SCAPER: variants seen among roughly 807,000 people sequenced by gnomAD.
The protein encoded by SCAPER is S phase cyclin A-associated protein in the endoplasmic reticulum.
SCAPER carries 98 observed loss-of-function variants against 182.2 expected under a neutral mutation model. The ratio of observed to expected loss-of-function variants is 0.54; its 90% confidence interval spans 0.46 to 0.64. SCAPER has a LOEUF of 0.64. SCAPER is among the 30% of genes least tolerant of loss of function. SCAPER has a pLI of 0.00. For synonymous variants in SCAPER, 605 were observed against 564.6 expected (o/e 1.07, Z -1.01); for missense variants, 1,432 against 1,690.0 (o/e 0.85, Z 2.68).
At chr15:76,366,549 T>A (rs1302274396) in intron 29 of SCAPER, among the ~76,000 whole-genome samples, 1 of 152,236 alleles carries the variant, frequency 6.6e-6, no homozygotes, top group Non-Finnish European at 1.5e-5. Flanking sequence ...ATCTCTCTGC[T>A]CTAAGTATAG....
intron 14 of SCAPER, among the ~76,000 whole-genome samples, chr15:76,756,522 G>A (rs188103981): frequency 6.6e-6 from 1 of 152,236 alleles, no homozygotes; most frequent in East Asian, 1.9e-4. Flanking sequence ...AGGCTGCAGT[G>A]AGCTATGCTG....
chr15:76,672,965 T>C (rs1395638094), intron 20 of SCAPER, among the ~76,000 whole-genome samples: 1 of 152,034 alleles, frequency 6.6e-6, no homozygotes, highest in East Asian at 1.9e-4. Flanking sequence ...TATTTCAGCA[T>C]TTAGGGGGAA....
intron 23 of SCAPER, among the ~76,000 whole-genome samples, chr15:76,529,691 T>C (rs1186842540): frequency 6.6e-6 from 1 of 152,204 alleles, no homozygotes; most frequent in Non-Finnish European, 1.5e-5. Context: ...GAAGAGTAAG[T>C]GCCAAGAGCC....
chr15:76,896,138 G>A lies in SCAPER; in HGVS notation c.-60+9161C>T, dbSNP rs565855661. ...TAATCCCAGCACTTTGGGAGGCCAAGGCAGGCCGATCACTTCAGCCCAGGA... is the reference window on the plus strand; with the variant it reads ...TAATCCCAGCACTTTGGGAGGCCAAAGCAGGCCGATCACTTCAGCCCAGGA... On this transcript the variant is annotated intron_variant, in intron 1 of 31. Transcript: ENST00000563290. Among the ~76,000 whole-genome samples, 303 of 152,172 alleles carry A rather than the reference G, an allele frequency of 2.0e-3. 1 individual carries two copies. The highest frequency in any genetic ancestry group is 4.4e-3 in the South Asian group (21 of 4,824).
rs146981071 is a variant in SCAPER, at chr15:76,488,559, C to G, written c.2954+16300G>C. ...TCTTTAGTTTTAGAACTATAAATAA[C>G]TACATATTTTATGCTCACTACAAGT... is the stretch of plus-strand genomic sequence containing the variant. On this transcript the variant is annotated intron_variant, in intron 24 of 31. Transcript: ENST00000563290. Among the ~76,000 whole-genome samples, 1,309 of 151,932 alleles carry G rather than the reference C, an allele frequency of 8.6e-3. 19 individuals are homozygous for G. Among genetic ancestry groups the G allele is most frequent in the Non-Finnish European group, 0.012 (797 of 67,938 alleles).
intron 24 of SCAPER, among the ~76,000 whole-genome samples, chr15:76,498,017 A>AAT (rs2040752144): frequency 2.0e-5 from 3 of 148,066 alleles, no homozygotes; most frequent in South Asian, 4.2e-4. Context: ...AAAAAAAAAA[A>AAT]AAATAAGCAC....
chr15:76,831,828 T>C (rs2068515076), intron 5 of SCAPER, among the ~76,000 whole-genome samples: 1 of 152,070 alleles, frequency 6.6e-6, no homozygotes, highest in Non-Finnish European at 1.5e-5. Context: ...GCTGCAGGCC[T>C]AGTTCCAGCC....
chr15:76,578,462 G>C (rs1280240986), intron 22 of SCAPER, among the ~76,000 whole-genome samples: 1 of 152,232 alleles, frequency 6.6e-6, no homozygotes, highest in Non-Finnish European at 1.5e-5. Context: ...GGCTACAGGG[G>C]TGCTTGTGTC....
chr15:76,904,108 A>G (rs2074941413), intron 1 of SCAPER, among the ~76,000 whole-genome samples: 1 of 152,234 alleles, frequency 6.6e-6, no homozygotes. Flanking sequence ...AGTCATAGTT[A>G]ACAGAAATAA....
chr15:76,471,684 G>GA (rs1267256052), intron 24 of SCAPER, among the ~76,000 whole-genome samples: 1 of 152,128 alleles, frequency 6.6e-6, no homozygotes, highest in Non-Finnish European at 1.5e-5. Context: ...GAAAAAAAAG[G>GA]AAAAGGGCTC....
At chr15:76,724,437 G>C (rs1489470739) in intron 17 of SCAPER, among the ~76,000 whole-genome samples, 1 of 152,006 alleles carries the variant, frequency 6.6e-6, no homozygotes, top group Non-Finnish European at 1.5e-5. Context: ...TATCTTTGTG[G>C]CATTCTCTGT....
chr15:76,512,688 T>C (rs1269087205), intron 23 of SCAPER, among the ~76,000 whole-genome samples: 1 of 152,000 alleles, frequency 6.6e-6, no homozygotes, highest in Non-Finnish European at 1.5e-5. Flanking sequence ...CAAAGCCTTT[T>C]CTGCAATGCC....
intron 22 of SCAPER, among the ~76,000 whole-genome samples, chr15:76,589,084 T>G (rs909042256): frequency 6.6e-6 from 1 of 152,118 alleles, no homozygotes; most frequent in Non-Finnish European, 1.5e-5. Context: ...ATATCTCTAA[T>G]GTGAACTGTC....
At chr15:76,729,482 T>G (rs1485677006) in intron 16 of SCAPER, among the ~76,000 whole-genome samples, 3 of 152,054 alleles carry the variant, frequency 2.0e-5, no homozygotes, top group African/African-American at 7.2e-5. Context: ...TTAATAGATT[T>G]TATTTCTGAA....
intron 22 of SCAPER, among the ~76,000 whole-genome samples, chr15:76,576,581 A>C (rs773986619): frequency 6.6e-6 from 1 of 152,204 alleles, no homozygotes; most frequent in Non-Finnish European, 1.5e-5. Context: ...CTTAATAAGA[A>C]CCGAAAGTTG....
intron 25 of SCAPER, among the ~76,000 whole-genome samples, chr15:76,466,378 G>A (rs1417537029): frequency 1.0e-5 from 1 of 97,276 alleles, no homozygotes; most frequent in Non-Finnish European, 2.2e-5. Flanking sequence ...ATTTTTCAGT[G>A]TAGCTATTGT....
At chr15:76,373,902 T>G (rs2042358172) in intron 29 of SCAPER, among the ~76,000 whole-genome samples, 1 of 151,964 alleles carries the variant, frequency 6.6e-6, no homozygotes, top group Non-Finnish European at 1.5e-5. Context: ...CCTTATTTTT[T>G]TTTTTTGTCT....
chr15:76,559,802 C>T (rs2404740), intron 23 of SCAPER, among the ~76,000 whole-genome samples: 74,493 of 151,858 alleles, frequency 0.49, 19,696 homozygotes, highest in Middle Eastern at 0.65. Flanking sequence ...CGCTTATTAC[C>T]TGGGTGATGA....
chr15:76,860,091 G>A (rs1056296143), intron 3 of SCAPER, among the ~76,000 whole-genome samples: 2 of 152,030 alleles, frequency 1.3e-5, no homozygotes. Flanking sequence ...TTATGTTCTT[G>A]TATGAAAAAT....
Sources: gnomAD v4.1 joint callset for allele counts (sites outside exome capture counted in the v4.1 genomes callset) on GRCh38, gnomAD v4.1.1 for gene constraint, MANE v1.5 for transcripts, NCBI Gene and HGNC (gene_info 2026-07-23, HGNC 2026-07-21) for gene names.